Variants in FGF14 observed in about 807,000 individuals in gnomAD.
FGF14 encodes the protein fibroblast growth factor homologous factor 4.
In FGF14, 5 loss-of-function variants were observed where a neutral mutation model predicts 25.5. That is an observed-to-expected ratio of 0.20 (90% CI 0.10 to 0.41). The LOEUF (loss-of-function observed/expected upper bound fraction) is 0.41, where lower values mean the gene tolerates loss of function less well. FGF14 is among the 10% of genes least tolerant of loss of function. The pLI is 1.00. For synonymous variants in FGF14, 138 were observed against 118.3 expected (o/e 1.17, Z -1.08); for missense variants, 222 against 320.1 (o/e 0.69, Z 2.34).
At chr13:102,070,677 T>C (rs887815744) in intron 1 of FGF14, among the ~76,000 whole-genome samples, 1 of 152,228 alleles carries the variant, frequency 6.6e-6, no homozygotes, top group Non-Finnish European at 1.5e-5. Context: ...TATGTACACA[T>C]TTAAATTCTA....
intron 1 of FGF14, among the ~76,000 whole-genome samples, chr13:102,304,008 T>C (rs891119370): frequency 6.6e-6 from 1 of 152,122 alleles, no homozygotes; most frequent in Admixed American, 6.5e-5. Flanking sequence ...TATCTTCAAT[T>C]TAGCCCTCAA....
At chr13:102,097,183 T>C (rs1319979447) in intron 1 of FGF14, among the ~76,000 whole-genome samples, 2 of 152,216 alleles carry the variant, frequency 1.3e-5, no homozygotes, top group African/African-American at 4.8e-5. Context: ...TTCACAATTT[T>C]GACTATGTTA....
intron 1 of FGF14, chr13:102,394,204 C>T (rs2058506418): frequency 6.6e-6 from 1 of 152,378 alleles, no homozygotes; most frequent in Admixed American, 6.5e-5. Context: ...AGCTCCCTTC[C>T]CTTTCCTTCA....
At position 101,897,180 on chromosome 13, in the gene FGF14, C is replaced by T. The variant is rs970793514; in HGVS notation, c.193+19273G>A. Among the ~76,000 whole-genome samples, 9 of 152,126 alleles carry T rather than the reference C, an allele frequency of 5.9e-5. No individual in the cohort carries two copies. The South Asian group carries it at 8.3e-4, about 14-fold the overall frequency. Reference sequence around the variant, plus strand: ...ATTTACCTAGGTCCTGGGTTTGCCCCGCTCACCATATGTGCCTAGAGTGTG... The same window carrying T: ...ATTTACCTAGGTCCTGGGTTTGCCCTGCTCACCATATGTGCCTAGAGTGTG... On this transcript the variant is annotated intron_variant, in intron 1 of 4. Coordinates refer to ENST00000376143, the MANE Select transcript of FGF14 (RefSeq NM_004115.4).
intron 3 of FGF14, among the ~76,000 whole-genome samples, chr13:101,741,497 C>A (rs989278776): frequency 2.0e-5 from 3 of 152,080 alleles, no homozygotes; most frequent in African/African-American, 7.2e-5. Context: ...ACCAAAAAAA[C>A]CCTGCTGAAG....
At chr13:102,196,356 G>T (rs2049350085) in intron 1 of FGF14, among the ~76,000 whole-genome samples, 1 of 152,110 alleles carries the variant, frequency 6.6e-6, no homozygotes, top group African/African-American at 2.4e-5. Flanking sequence ...GGCAGGGGTA[G>T]GAGAAATGAA....
Position 102,326,749 on chromosome 13 carries a change from AGGAAAGAGGGAG to A in FGF14, c.208+74710_208+74721del, listed in dbSNP as rs1246977865. On this transcript the variant is annotated intron_variant, in intron 1 of 4. Transcript: ENST00000376131. ...AAGGAAGGAAGGAAGGAAGGAAGGA[AGGAAAGAGGGAG>A]GGAAGGAAGGAAGAAAAAAAAGGAA... 7.9e-4 allele frequency among the ~76,000 whole-genome samples: 77 copies of A among 97,548 alleles called. 1 individual carries two copies. The highest frequency in any genetic ancestry group is 2.6e-3 in the African/African-American group (60 of 23,464). 64.0% of individuals were successfully genotyped at this position (97,548 alleles called of 152,430 possible).
chr13:102,371,139 A>T (rs889755087), intron 1 of FGF14, among the ~76,000 whole-genome samples: 10 of 152,186 alleles, frequency 6.6e-5, no homozygotes, highest in Non-Finnish European at 1.5e-4. Context: ...ATTAGGTCTT[A>T]CCGACTTAAG....
At chr13:102,357,972 G>A (rs571755911) in intron 1 of FGF14, among the ~76,000 whole-genome samples, 49 of 152,092 alleles carry the variant, frequency 3.2e-4, no homozygotes, top group Non-Finnish European at 6.3e-4. Context: ...TATCAGAAGG[G>A]AAAGATTTTT....
intron 1 of FGF14, among the ~76,000 whole-genome samples, chr13:101,997,106 A>G (rs1322182327): frequency 6.6e-6 from 1 of 152,216 alleles, no homozygotes; most frequent in Non-Finnish European, 1.5e-5. Context: ...ACTTCCTAGC[A>G]GTTTTCACCA....
At chr13:102,124,488 A>G (rs1433786718) in intron 1 of FGF14, among the ~76,000 whole-genome samples, 1 of 152,086 alleles carries the variant, frequency 6.6e-6, no homozygotes, top group Non-Finnish European at 1.5e-5. Context: ...GACAAGGCCA[A>G]TTTTCTGTAG....
At chr13:102,167,326 A>G (rs9518646) in intron 1 of FGF14, among the ~76,000 whole-genome samples, 7 of 146,894 alleles carry the variant, frequency 4.8e-5, no homozygotes, top group Admixed American at 6.9e-5. Flanking sequence ...AAAAAAAAAA[A>G]AAAAAAAAGG....
chr13:102,313,284 G>A (rs760356587), intron 1 of FGF14, among the ~76,000 whole-genome samples: 44 of 152,192 alleles, frequency 2.9e-4, no homozygotes, highest in Non-Finnish European at 5.7e-4. Flanking sequence ...GAAAGCAGCC[G>A]TGGAAATAGC....
Position 101,858,135 on chromosome 13 carries a change from C to T in FGF14, c.408+10590G>A, listed in dbSNP as rs117132448. Reference sequence around the variant, plus strand: ...GCATTGAGGATACTGAGAGAAATACCCCATATCTGTTCAGAGCCCAGGGTT... The same window carrying T: ...GCATTGAGGATACTGAGAGAAATACTCCATATCTGTTCAGAGCCCAGGGTT... On this transcript the variant is annotated intron_variant, in intron 3 of 4. Transcript: ENST00000376143. Among the ~76,000 whole-genome samples the T allele has an allele frequency of 5.2e-3, 789 of 150,700 alleles. 3 individuals are homozygous for T. Among genetic ancestry groups the T allele is most frequent in the Non-Finnish European group, 9.7e-3 (654 of 67,642 alleles).
chr13:101,873,981 T>C (rs892190757), intron 2 of FGF14, among the ~76,000 whole-genome samples: 2 of 151,854 alleles, frequency 1.3e-5, no homozygotes, highest in African/African-American at 2.4e-5. Context: ...ACAATGTAGA[T>C]ATACACAACA....
intron 1 of FGF14, among the ~76,000 whole-genome samples, chr13:102,003,930 C>A (rs1392353652): frequency 6.6e-6 from 1 of 152,116 alleles, no homozygotes; most frequent in Non-Finnish European, 1.5e-5. Flanking sequence ...GAAATCCCGG[C>A]TTTTCAACTC....
chr13:101,910,480 A>G (rs2032802272), intron 1 of FGF14, among the ~76,000 whole-genome samples: 1 of 152,134 alleles, frequency 6.6e-6, no homozygotes, highest in Non-Finnish European at 1.5e-5. Context: ...GTGATGCCGT[A>G]TGGGTTCCTA....
intron 1 of FGF14, among the ~76,000 whole-genome samples, chr13:102,319,557 T>C (rs922236324): frequency 1.3e-5 from 2 of 152,192 alleles, no homozygotes; most frequent in African/African-American, 2.4e-5. Context: ...AGGCCACCAA[T>C]TGCATACAAT....
intron 1 of FGF14, among the ~76,000 whole-genome samples, chr13:102,260,605 G>C (rs1283403173): frequency 6.6e-6 from 1 of 152,114 alleles, no homozygotes; most frequent in Admixed American, 6.6e-5. Flanking sequence ...CTTTGCTATC[G>C]CTATCACATT....
Sources: gnomAD v4.1 joint callset for allele counts (sites outside exome capture counted in the v4.1 genomes callset) on GRCh38, gnomAD v4.1.1 for gene constraint, MANE v1.5 for transcripts, NCBI Gene and HGNC (gene_info 2026-07-23, HGNC 2026-07-21) for gene names.